SLC25A20: variants seen among roughly 807,000 people sequenced by gnomAD.
SLC25A20 encodes solute carrier family 25 member 20.
In SLC25A20, 29 loss-of-function variants were observed where a neutral mutation model predicts 39.7. The observed-to-expected ratio is 0.73, with a 90% CI of 0.54 to 1.00. The LOEUF (loss-of-function observed/expected upper bound fraction) is 1.00, where lower values mean the gene tolerates loss of function less well. Among genes scored for constraint, SLC25A20 ranks in the 50% least tolerant of loss-of-function variants. The probability of loss-of-function intolerance (pLI) is 0.00; values close to 1 mark genes in which losing one functional copy is unlikely to be tolerated. For missense variants in SLC25A20, 333 were observed against 379.9 expected (o/e 0.88, Z 1.03); for synonymous variants, 103 against 142.2 (o/e 0.72, Z 1.96).
At chr3:48,887,441 C>T (rs1054950883) in intron 2 of SLC25A20, among the ~76,000 whole-genome samples, 1 of 152,164 alleles carries the variant, frequency 6.6e-6, no homozygotes, top group Non-Finnish European at 1.5e-5. Flanking sequence ...AGCACATTGC[C>T]CACCCCTAGG....
At chr3:48,859,695 T>A in intron 5 of SLC25A20, 68 bp from the exon 6 acceptor site, 1 of 1,252,316 alleles carries the variant, frequency 8.0e-7, no homozygotes, top group Non-Finnish European at 1.2e-6. Context: ...GGTACACACC[T>A]GTAATCTCAG....
intron 7 of SLC25A20, 44 bp downstream of exon 7, chr3:48,859,048 G>A (rs1422287028): frequency 2.7e-6 from 4 of 1,507,610 alleles, no homozygotes; most frequent in Non-Finnish European, 3.7e-6. Flanking sequence ...AGCCAGTGCT[G>A]GGGACCCACT....
In SLC25A20 at chr3:48,859,693, C is replaced by A. The variant is rs1489002913; in HGVS notation, c.536-66G>T. 2.4e-6 allele frequency: 3 copies of A among 1,261,880 alleles called. No individual in the cohort carries two copies. The African/African-American group carries it at 4.4e-5, about 19-fold the overall frequency. The allele number at this position is 1,261,880 out of a possible 1,614,324, so 78.2% of individuals were successfully genotyped here. On this transcript the variant is annotated intron_variant, in intron 5 of 8. Transcript: ENST00000319017. ...TCTTCGCCAGGCATGGTGGTACACA[C>A]CTGTAATCTCAGCAATTTAGGAGAT...
intron 7 of SLC25A20, 141 bp downstream of exon 7, chr3:48,858,951 G>A (rs2083602121): frequency 2.7e-6 from 2 of 732,698 alleles, no homozygotes; most frequent in East Asian, 2.7e-5. Flanking sequence ...AAATGACTGT[G>A]AGGGAGAATA....
chr3:48,863,478 CT>C (rs1345047547), intron 4 of SLC25A20, among the ~76,000 whole-genome samples: 1 of 152,262 alleles, frequency 6.6e-6, no homozygotes, highest in East Asian at 1.9e-4. Context: ...TACCCCGCCC[CT>C]GAGAGCCAAG....
intron 2 of SLC25A20, among the ~76,000 whole-genome samples, chr3:48,889,813 T>C (rs758787347): frequency 6.6e-6 from 1 of 152,222 alleles, no homozygotes; most frequent in Non-Finnish European, 1.5e-5. Context: ...TTATTAATCA[T>C]TAGCTTTTAA....
chr3:48,897,962 T>C (rs1444373052), intron 1 of SLC25A20, among the ~76,000 whole-genome samples: 1 of 152,216 alleles, frequency 6.6e-6, no homozygotes, highest in African/African-American at 2.4e-5. Context: ...ATAGTTGAGA[T>C]ATGATATGAG....
intron 4 of SLC25A20, among the ~76,000 whole-genome samples, chr3:48,878,861 T>C (rs1203106579): frequency 3.3e-5 from 5 of 151,602 alleles, no homozygotes; most frequent in Admixed American, 2.0e-4. Flanking sequence ...GGCTGGTTTT[T>C]GGTTTTGTTT....
At chr3:48,878,262 C>CCA (rs2083775473) in intron 4 of SLC25A20, among the ~76,000 whole-genome samples, 1 of 106,876 alleles carries the variant, frequency 9.4e-6, no homozygotes, top group Non-Finnish European at 1.8e-5. Flanking sequence ...TCCATCTCCA[C>CCA]AAAAAAAAAA....
intron 7 of SLC25A20, 94 bp from the exon 8 acceptor site, chr3:48,858,725 C>T (rs2083599775): frequency 4.0e-6 from 6 of 1,498,960 alleles, no homozygotes; most frequent in Middle Eastern, 2.0e-4. Flanking sequence ...GGAAAGGACA[C>T]CTTGCAGGTC....
At chr3:48,858,855 G>A (rs901971523) in intron 7 of SLC25A20, among the ~76,000 whole-genome samples, 1 of 152,184 alleles carries the variant, frequency 6.6e-6, no homozygotes, top group Non-Finnish European at 1.5e-5. Context: ...CTGTTCATGT[G>A]GGGGAGGAAG....
intron 5 of SLC25A20, among the ~76,000 whole-genome samples, chr3:48,860,990 G>A (rs573470335): frequency 4.6e-5 from 7 of 151,166 alleles, no homozygotes; most frequent in South Asian, 4.2e-4. Flanking sequence ...CACCACGCCC[G>A]GCTAATTTTT....
intron 3 of SLC25A20, among the ~76,000 whole-genome samples, chr3:48,881,734 C>G (rs1207983959): frequency 6.6e-6 from 1 of 152,072 alleles, no homozygotes; most frequent in Non-Finnish European, 1.5e-5. Context: ...AGTGACCCCA[C>G]GGGGGTCATG....
At chr3:48,874,552 T>C (rs2083740480) in intron 4 of SLC25A20, among the ~76,000 whole-genome samples, 1 of 151,648 alleles carries the variant, frequency 6.6e-6, no homozygotes, top group African/African-American at 2.4e-5. Context: ...AATGGAGAAA[T>C]GAAGACTTAC....
At chr3:48,888,158 G>A (rs1160361582) in intron 2 of SLC25A20, among the ~76,000 whole-genome samples, 26 of 127,480 alleles carry the variant, frequency 2.0e-4, no homozygotes, top group African/African-American at 7.2e-4. Context: ...AGTGAGCCAA[G>A]ATCGGACCAC....
chr3:48,860,907 C>T (rs1204918479), intron 5 of SLC25A20, among the ~76,000 whole-genome samples: 1 of 148,908 alleles, frequency 6.7e-6, no homozygotes, highest in Non-Finnish European at 1.5e-5. Context: ...AATCTCGGCT[C>T]ACTGCAACCT....
intron 4 of SLC25A20, among the ~76,000 whole-genome samples, chr3:48,878,273 A>AATATATAT (rs201286551): frequency 1.6e-5 from 2 of 127,656 alleles, no homozygotes; most frequent in African/African-American, 2.8e-5. Context: ...AAAAAAAAAA[A>AATATATAT]ATATATATAT....
intron 2 of SLC25A20, among the ~76,000 whole-genome samples, chr3:48,889,636 C>A (rs974095975): frequency 6.6e-6 from 1 of 151,922 alleles, no homozygotes; most frequent in Non-Finnish European, 1.5e-5. Context: ...GGCTGGAGTG[C>A]AATGGTGCAG....
chr3:48,861,622 G>A (rs1002332074), intron 5 of SLC25A20, among the ~76,000 whole-genome samples: 3 of 152,034 alleles, frequency 2.0e-5, no homozygotes, highest in African/African-American at 2.4e-5. Context: ...AGCTACTCAG[G>A]AGGCTGAGGC....
Sources: gnomAD v4.1 joint callset for allele counts (sites outside exome capture counted in the v4.1 genomes callset) on GRCh38, gnomAD v4.1.1 for gene constraint, MANE v1.5 for transcripts, NCBI Gene and HGNC (gene_info 2026-07-23, HGNC 2026-07-21) for gene names.